TNR: variants seen among roughly 807,000 people sequenced by gnomAD.
The protein encoded by TNR is tenascin-R.
In TNR, 45 loss-of-function variants were observed where a neutral mutation model predicts 150.4. The observed-to-expected ratio is 0.30, with a 90% CI of 0.24 to 0.38. TNR has a LOEUF of 0.38. TNR is among the 10% of genes least tolerant of loss of function. TNR has a pLI of 1.00. For synonymous variants in TNR, 687 were observed against 678.4 expected (o/e 1.01, Z -0.20); for missense variants, 1,544 against 1,759.1 (o/e 0.88, Z 2.19).
intron 2 of TNR, among the ~76,000 whole-genome samples, chr1:175,481,267 ATCTAG>A (rs1657798806): frequency 2.6e-5 from 4 of 152,238 alleles, no homozygotes; most frequent in African/African-American, 9.6e-5. Flanking sequence ...AATGTGAATT[ATCTAG>A]ACGAGATTTA....
At chr1:175,657,886 T>TGTGA (rs1665240542) in intron 1 of TNR, among the ~76,000 whole-genome samples, 1 of 131,118 alleles carries the variant, frequency 7.6e-6, no homozygotes, top group Non-Finnish European at 1.6e-5. Context: ...TATATATATG[T>TGTGA]AACAAACCTG....
intron 1 of TNR, among the ~76,000 whole-genome samples, chr1:175,682,390 G>A (rs532208493): frequency 1.3e-5 from 2 of 152,302 alleles, no homozygotes; most frequent in East Asian, 1.9e-4. Context: ...TCAGAGAGGC[G>A]AGTACCTTTT....
At chr1:175,639,683 T>C (rs931314080) in intron 1 of TNR, among the ~76,000 whole-genome samples, 1 of 152,214 alleles carries the variant, frequency 6.6e-6, no homozygotes, top group African/African-American at 2.4e-5. Flanking sequence ...ACAAGACCTT[T>C]CATGACCTCA....
intron 1 of TNR, among the ~76,000 whole-genome samples, chr1:175,708,221 A>T (rs1434721244): frequency 6.6e-6 from 1 of 152,166 alleles, no homozygotes; most frequent in African/African-American, 2.4e-5. Flanking sequence ...CATGGTGAGA[A>T]CTGCTTTGGC....
chr1:175,565,489 C>G (rs141120811), intron 1 of TNR, among the ~76,000 whole-genome samples: 5 of 152,188 alleles, frequency 3.3e-5, no homozygotes, highest in African/African-American at 4.8e-5. Flanking sequence ...AGCAATTCCA[C>G]GTAAGGAAGT....
intron 12 of TNR, among the ~76,000 whole-genome samples, chr1:175,364,183 C>G (rs1490970184): frequency 6.6e-6 from 1 of 152,058 alleles, no homozygotes; most frequent in Non-Finnish European, 1.5e-5. Flanking sequence ...TTAAGATAAA[C>G]CAAATTTTGC....
rs376878885 is a variant in TNR at position 175,396,535 on chromosome 1, G to A, written c.1240+9C>T. On this transcript the variant is annotated intron_variant, in intron 5 of 22. Transcript: ENST00000367674. ...GAAAAATGAAGCAGGACGGGGAAAT[G>A]GTACGTACGGGTGGCCACCTTGGCA... 6.2e-7 allele frequency: 1 copy of A among 1,610,738 alleles called. No homozygotes were observed. Among genetic ancestry groups the A allele is most frequent in the Non-Finnish European group, 8.5e-7 (1 of 1,177,298 alleles).
At chr1:175,347,085 A>C (rs369721362) in intron 18 of TNR, among the ~76,000 whole-genome samples, 1 of 152,182 alleles carries the variant, frequency 6.6e-6, no homozygotes, top group Non-Finnish European at 1.5e-5. Flanking sequence ...GTAGCTAACC[A>C]TATATAACAG....
At chr1:175,565,481 C>A (rs1287976744) in intron 1 of TNR, among the ~76,000 whole-genome samples, 1 of 152,226 alleles carries the variant, frequency 6.6e-6, no homozygotes, top group Admixed American at 6.5e-5. Flanking sequence ...CCACTGGGAG[C>A]AATTCCACGT....
intron 2 of TNR, among the ~76,000 whole-genome samples, chr1:175,494,859 C>T (rs1658415066): frequency 6.6e-6 from 1 of 152,158 alleles, no homozygotes; most frequent in East Asian, 1.9e-4. Flanking sequence ...AAGGATGGCA[C>T]ACGGTTCTTA....
intron 1 of TNR, among the ~76,000 whole-genome samples, chr1:175,587,809 GA>G (rs1446558619): frequency 3.3e-5 from 5 of 152,194 alleles, no homozygotes; most frequent in African/African-American, 1.2e-4. Context: ...CACTGGACAA[GA>G]AAAAGAAAGC....
At chr1:175,409,424 T>C (rs1351089583) in intron 2 of TNR, among the ~76,000 whole-genome samples, 1 of 152,142 alleles carries the variant, frequency 6.6e-6, no homozygotes, top group Non-Finnish European at 1.5e-5. Flanking sequence ...GGTCCTACAC[T>C]TTTAGGTCCA....
Position 175,368,996 on chromosome 1 carries a change from A to C in TNR, c.1964-1699T>G, listed in dbSNP as rs369725530. Among the ~76,000 whole-genome samples the C allele has an allele frequency of 5.9e-4, 90 of 152,102 alleles. 1 individual carries two copies. The East Asian group carries it at 0.011, about 18-fold the overall frequency. ...AAGTAAACAAAAACAAAACAAAAAA[A>C]CCCAACAAAATCAAGTGATCACCCT... On this transcript the variant is annotated intron_variant, in intron 9 of 22. Coordinates refer to ENST00000367674, the MANE Select transcript of TNR (RefSeq NM_003285.3).
At chr1:175,501,828 A>T (rs1234652651) in intron 2 of TNR, among the ~76,000 whole-genome samples, 1 of 152,194 alleles carries the variant, frequency 6.6e-6, no homozygotes, top group African/African-American at 2.4e-5. Context: ...TCAATCATGT[A>T]TTCAACACTG....
At chr1:175,381,096 GC>G (rs1444890483) in intron 8 of TNR, among the ~76,000 whole-genome samples, 8 of 152,316 alleles carry the variant, frequency 5.3e-5, no homozygotes, top group Non-Finnish European at 1.2e-4. Flanking sequence ...ACTTTAGCTT[GC>G]CAGATACTAT....
chr1:175,359,540 A>C, intron 15 of TNR, 72 bp downstream of exon 15: 1 of 1,609,130 alleles, frequency 6.2e-7, no homozygotes, highest in Non-Finnish European at 8.5e-7. Flanking sequence ...TTGTTTATTC[A>C]CATCATACTG....
chr1:175,384,391 C>T (rs559330689), intron 8 of TNR, among the ~76,000 whole-genome samples: 2 of 152,222 alleles, frequency 1.3e-5, no homozygotes, highest in Non-Finnish European at 2.9e-5. Context: ...TCGGTCACTC[C>T]GGATTCCAAG....
intron 1 of TNR, among the ~76,000 whole-genome samples, chr1:175,588,355 C>T (rs536925154): frequency 1.2e-3 from 183 of 152,322 alleles, no homozygotes; most frequent in South Asian, 2.9e-3. Flanking sequence ...CTTCATTCTG[C>T]ATGTGTCTTT....
intron 1 of TNR, among the ~76,000 whole-genome samples, chr1:175,738,940 C>T (rs1350347981): frequency 1.3e-5 from 2 of 152,222 alleles, no homozygotes; most frequent in African/African-American, 4.8e-5. Flanking sequence ...TATCTCTGCG[C>T]TTCTGCCGAA....
Sources: allele counts gnomAD v4.1 joint callset (sites outside exome capture counted in the v4.1 genomes callset), GRCh38; gene constraint gnomAD v4.1.1; transcripts MANE v1.5; gene names NCBI Gene and HGNC (gene_info 2026-07-23, HGNC 2026-07-21).